LAMB1: variants seen among roughly 807,000 people sequenced by gnomAD.
LAMB1 encodes the protein laminin subunit beta 1, also known as laminin subunit beta-1.
A neutral mutation model predicts 222.3 loss-of-function variants in LAMB1; 121 were observed. That is an observed-to-expected ratio of 0.54 (90% CI 0.47 to 0.63). The LOEUF (loss-of-function observed/expected upper bound fraction) is 0.63, where lower values mean the gene tolerates loss of function less well. Ranked by LOEUF, LAMB1 falls within the 30% of genes least tolerant of loss-of-function variation. LAMB1 has a pLI of 0.00. For missense variants in LAMB1, 2,172 were observed against 2,240.8 expected, an observed-to-expected ratio of 0.97 and a Z score of 0.62; for synonymous variants, 794 against 807.2, an observed-to-expected ratio of 0.98 and a Z score of 0.28.
At chr7:107,968,163 A>G (rs1353207860) in intron 13 of LAMB1, among the ~76,000 whole-genome samples, 1 of 152,082 alleles carries the variant, frequency 6.6e-6, no homozygotes. Flanking sequence ...TTCAAATCTC[A>G]GCTTTCAAAA....
At chr7:107,957,832 T>C (rs1255835007) in intron 20 of LAMB1, among the ~76,000 whole-genome samples, 1 of 152,168 alleles carries the variant, frequency 6.6e-6, no homozygotes, top group African/African-American at 2.4e-5. Context: ...TCAAACTAGA[T>C]AGTAGAATTC....
intron 26 of LAMB1, among the ~76,000 whole-genome samples, chr7:107,936,639 C>A (rs1034811112): frequency 1.3e-4 from 20 of 152,152 alleles, no homozygotes; most frequent in African/African-American, 4.3e-4. Context: ...TAACATATTT[C>A]TACATTCACT....
chr7:107,966,916 C>T (rs1272464488), intron 13 of LAMB1, among the ~76,000 whole-genome samples: 2 of 152,218 alleles, frequency 1.3e-5, no homozygotes, highest in African/African-American at 2.4e-5. Context: ...TGTCCACAGG[C>T]TTGAATTGTC....
chr7:107,997,340 T>C (rs1013867825), intron 4 of LAMB1, among the ~76,000 whole-genome samples: 3 of 152,138 alleles, frequency 2.0e-5, no homozygotes, highest in African/African-American at 4.8e-5. Flanking sequence ...GGAGAATCAC[T>C]TGAACCCAGG....
At chr7:107,945,883 T>A (rs1390575881) in intron 24 of LAMB1, among the ~76,000 whole-genome samples, 1 of 152,252 alleles carries the variant, frequency 6.6e-6, no homozygotes, top group Non-Finnish European at 1.5e-5. Flanking sequence ...CCTACTGATC[T>A]TGCCCTCTTC....
In LAMB1 at chr7:107,994,935, C is replaced by T; in HGVS notation, c.375G>A (p.Leu125=). The change falls in exon 5 of 34, where the codon CTG becomes CTA. Residue 125 remains leucine, a synonymous_variant. Transcript: ENST00000222399. ...ENGVENVTIQ[L]DLEAEFHFTH... ...TAAAATGGAATTCTGCTTCCAAATC[C>T]AGTTGGATAGTTACATTTTCCACAC... 1 of 1,599,888 alleles carries T rather than the reference C, an allele frequency of 6.3e-7. No individual in the cohort carries two copies. Among genetic ancestry groups the T allele is most frequent in the Non-Finnish European group, 8.6e-7 (1 of 1,168,056 alleles).
chr7:107,965,740 G>C (rs774061367), intron 13 of LAMB1, among the ~76,000 whole-genome samples: 5 of 152,018 alleles, frequency 3.3e-5, no homozygotes, highest in Non-Finnish European at 5.9e-5. Flanking sequence ...TCATCCCAAA[G>C]TTTTAAACAA....
intron 5 of LAMB1, among the ~76,000 whole-genome samples, chr7:107,988,389 T>C (rs1469458450): frequency 6.6e-6 from 1 of 151,946 alleles, no homozygotes; most frequent in Non-Finnish European, 1.5e-5. Flanking sequence ...AAACATGAAT[T>C]TGGGAGTCAC....
At position 107,986,271 on chromosome 7, in the gene LAMB1, G is replaced by A. The variant is rs576680184; in HGVS notation, c.516C>T (p.Ala172=). Residue 172 remains alanine (A), a synonymous_variant, in exon 6 of 34, where the codon GCC becomes GCT. Transcript: ENST00000222399. The stretch of plus-strand genomic sequence containing the variant: ...GGCCAGTTGAAATGCCTGGAAACGA[G>A]GCCTCACAGTCATAGGCGAAGTATC... The part of the protein sequence containing the change: ...VYRYFAYDCE[A]SFPGISTGPM... 1.8e-5 allele frequency: 29 copies of A among 1,614,054 alleles called. No homozygotes were observed. In the South Asian group the frequency reaches 2.6e-4, roughly 15 times the overall value.
At chr7:107,984,863 T>G (rs1471114348) in intron 7 of LAMB1, among the ~76,000 whole-genome samples, 1 of 152,078 alleles carries the variant, frequency 6.6e-6, no homozygotes, top group Non-Finnish European at 1.5e-5. Flanking sequence ...ATATGGGATA[T>G]AGTTATGCTA....
At chr7:107,998,187 A>T (rs1259293470) in intron 4 of LAMB1, among the ~76,000 whole-genome samples, 170 bp downstream of exon 4, 1 of 152,172 alleles carries the variant, frequency 6.6e-6, no homozygotes, top group Non-Finnish European at 1.5e-5. Flanking sequence ...CTTCAGGAAG[A>T]AGGATAAGAT....
intron 3 of LAMB1, among the ~76,000 whole-genome samples, chr7:108,001,196 G>C (rs1370711170): frequency 6.6e-6 from 1 of 152,216 alleles, no homozygotes; most frequent in East Asian, 1.9e-4. Flanking sequence ...GTAGAGGGGG[G>C]TGGGGAAACC....
chr7:107,952,170 A>C lies in LAMB1; in HGVS notation c.3133T>G (p.Cys1045Gly). 6.2e-7 allele frequency: 1 copy of C among 1,613,556 alleles called. No homozygotes were observed. The highest frequency in any genetic ancestry group is 8.5e-7 in the Non-Finnish European group (1 of 1,179,576). The change falls in exon 23 of 34, where the codon TGC becomes GGC. Residue 1045 changes from cysteine to glycine, a missense_variant. By Grantham distance (159) the Cys-to-Gly change is radical (BLOSUM62 -3). Transcript: ENST00000222399. ...TGACCAGTGGCTTTGTCGCACTGGCAGTCAGAGCCGTTACAGTGCTCTTGC... is the reference window on the plus strand; with the variant it reads ...TGACCAGTGGCTTTGTCGCACTGGCCGTCAGAGCCGTTACAGTGCTCTTGC... Reference protein sequence around the residue: ...TVQEHCNGSDCQCDKATGQCL... With the variant: ...TVQEHCNGSDGQCDKATGQCL...
chr7:107,940,487 G>A (rs567437613), intron 24 of LAMB1, 129 bp from the exon 25 acceptor site: 13 of 965,646 alleles, frequency 1.3e-5, no homozygotes, highest in Non-Finnish European at 2.0e-5. Context: ...ATTGACCAAT[G>A]GCTCAGGTAG....
chr7:107,965,594 T>C (rs909221035), intron 13 of LAMB1, among the ~76,000 whole-genome samples: 1 of 151,956 alleles, frequency 6.6e-6, no homozygotes, highest in Non-Finnish European at 1.5e-5. Flanking sequence ...CTTATGTCCC[T>C]TTTATTAGTA....
In LAMB1 at chr7:107,941,206, G is replaced by A. The variant is rs553499583; in HGVS notation, c.3392-848C>T. ...AATGTGTTCTTGGCCAGTAGCTGTG[G>A]CTGAGATTACTTAGCACAGTGGCTG... On this transcript the variant is annotated intron_variant, in intron 24 of 33. Coordinates refer to ENST00000222399, the MANE Select transcript of LAMB1 (RefSeq NM_002291.3). Among the ~76,000 whole-genome samples, 151 of 152,322 alleles carry A rather than the reference G, an allele frequency of 9.9e-4. 2 individuals are homozygous for A. In the South Asian group the frequency reaches 0.031, roughly 31 times the overall value.
At chr7:107,941,977 T>C (rs931554717) in intron 24 of LAMB1, 7 of 148,156 alleles carry the variant, frequency 4.7e-5, no homozygotes, top group African/African-American at 1.8e-4. Context: ...CTTGGGTCAA[T>C]AGCTGTGATT....
rs752588843 is a variant in LAMB1 at position 107,932,206 on chromosome 7, C to A, written c.4360G>T (p.Ala1454Ser). ...GAGAGCTGTTCCACTTCAGCCAGGG[C>A]ACTCAGGACATCTTGGTCCAAGTCC... is the stretch of plus-strand genomic sequence containing the variant. ...AMDLDQDVLS[A>S]LAEVEQLSKM... Residue 1454 changes from alanine to serine, a missense_variant, in exon 28 of 34, where the codon GCC becomes TCC. By Grantham distance (99) the Ala-to-Ser change is moderately conservative (BLOSUM62 1). Coordinates refer to ENST00000222399, the MANE Select transcript of LAMB1 (RefSeq NM_002291.3). 6.2e-7 allele frequency: 1 copy of A among 1,614,236 alleles called. No homozygotes were observed. The highest frequency in any genetic ancestry group is 8.5e-7 in the Non-Finnish European group (1 of 1,180,044).
At chr7:107,949,847 G>A (rs2033202960) in intron 24 of LAMB1, among the ~76,000 whole-genome samples, 1 of 152,308 alleles carries the variant, frequency 6.6e-6, no homozygotes, top group Non-Finnish European at 1.5e-5. Flanking sequence ...CTGACCTTCT[G>A]TAGGAGATAT....
Sources: allele counts gnomAD v4.1 joint callset (sites outside exome capture counted in the v4.1 genomes callset), GRCh38; gene constraint gnomAD v4.1.1; transcripts MANE v1.5; gene names NCBI Gene and HGNC (gene_info 2026-07-23, HGNC 2026-07-21).